The following ZMAT4 variants were observed in gnomAD, a reference collection of about 807,000 sequenced individuals.
ZMAT4 encodes zinc finger matrin-type 4, also known as zinc finger matrin-type protein 4.
Under a neutral mutation model 28.7 loss-of-function variants are expected in ZMAT4, and 17 were observed. The observed-to-expected ratio is 0.59, with a 90% CI of 0.41 to 0.89. ZMAT4 has a LOEUF of 0.89. Among genes scored for constraint, ZMAT4 ranks in the 40% least tolerant of loss-of-function variants. The probability of loss-of-function intolerance (pLI) is 0.00; values close to 1 mark genes in which losing one functional copy is unlikely to be tolerated. For missense variants in ZMAT4, 240 were observed against 283.8 expected (o/e 0.85, Z 1.11); for synonymous variants, 117 against 109.2 (o/e 1.07, Z -0.44).
rs1808034474 is a variant in ZMAT4, at chr8:40,658,588, T to A, written c.577+16116A>T. The stretch of plus-strand genomic sequence containing the variant: ...GCTCCATTGGTACATTGTTTAGTTA[T>A]CAAGGACAGGTTTAGGCAGCGTTAG... On this transcript the variant is annotated intron_variant, in intron 5 of 6. Transcript: ENST00000297737. Among the ~76,000 whole-genome samples, 5 of 149,398 alleles carry A rather than the reference T, an allele frequency of 3.3e-5. No homozygotes were observed. The South Asian group carries it at 8.4e-4, about 25-fold the overall frequency.
At chr8:40,601,468 GGA>G (rs1805316616) in intron 5 of ZMAT4, among the ~76,000 whole-genome samples, 4 of 19,970 alleles carry the variant, frequency 2.0e-4, no homozygotes, top group Non-Finnish European at 2.9e-4. Flanking sequence ...GAGGAAGAAA[GGA>G]AAGAAAGAAA....
intron 5 of ZMAT4, among the ~76,000 whole-genome samples, chr8:40,597,938 G>C (rs1805156981): frequency 6.6e-6 from 1 of 152,170 alleles, no homozygotes; most frequent in African/African-American, 2.4e-5. Context: ...TTATGGATGA[G>C]AGAGGAACAT....
At chr8:40,832,763 C>A (rs1816334375) in intron 1 of ZMAT4, among the ~76,000 whole-genome samples, 1 of 152,158 alleles carries the variant, frequency 6.6e-6, no homozygotes, top group South Asian at 2.1e-4. Flanking sequence ...TTAAACTCAG[C>A]CAATTTTAAA....
In ZMAT4 at chr8:40,889,835, A is replaced by C. The variant is rs148658884; in HGVS notation, c.-5+7848T>G. Among the ~76,000 whole-genome samples, 472 of 152,350 alleles carry C rather than the reference A, an allele frequency of 3.1e-3. 2 individuals are homozygous for C. Among genetic ancestry groups the C allele is most frequent in the African/African-American group, 0.011 (455 of 41,586 alleles). On this transcript the variant is annotated intron_variant, in intron 1 of 6. Transcript: ENST00000297737. The stretch of plus-strand genomic sequence containing the variant: ...ATTCTTAATTAGAACTATTTTGCAC[A>C]TCTCTAACTATTTCCTTAGGATAAA...
chr8:40,555,584 CAGAGGATA>C (rs1803507398), intron 6 of ZMAT4, among the ~76,000 whole-genome samples: 1 of 152,142 alleles, frequency 6.6e-6, no homozygotes, highest in Non-Finnish European at 1.5e-5. Context: ...CTGAAACTCA[CAGAGGATA>C]AGCTACTTTC....
At chr8:40,563,610 A>C (rs991633143) in intron 6 of ZMAT4, among the ~76,000 whole-genome samples, 1 of 152,228 alleles carries the variant, frequency 6.6e-6, no homozygotes, top group Non-Finnish European at 1.5e-5. Context: ...ATGAAAAAAC[A>C]GATAAGAACA....
chr8:40,601,468 G>GAAAAAAGAAAGAAA (rs1563359930), intron 5 of ZMAT4, among the ~76,000 whole-genome samples: 3 of 19,974 alleles, frequency 1.5e-4, no homozygotes, highest in African/African-American at 1.8e-4. Flanking sequence ...GAGGAAGAAA[G>GAAAAAAGAAAGAAA]GAAAGAAAGA....
intron 3 of ZMAT4, among the ~76,000 whole-genome samples, chr8:40,735,951 G>C (rs981705951): frequency 6.6e-6 from 1 of 152,144 alleles, no homozygotes; most frequent in African/African-American, 2.4e-5. Flanking sequence ...CTGGAAATTA[G>C]ATCTTTCAAA....
chr8:40,647,060 T>TG (rs1437521762), intron 5 of ZMAT4, among the ~76,000 whole-genome samples: 1 of 152,048 alleles, frequency 6.6e-6, no homozygotes, highest in African/African-American at 2.4e-5. Flanking sequence ...TTTGAGAGTC[T>TG]GGGGGGAGGA....
chr8:40,757,366 A>G (rs1353197364), intron 3 of ZMAT4, among the ~76,000 whole-genome samples: 2 of 152,172 alleles, frequency 1.3e-5, no homozygotes, highest in Non-Finnish European at 2.9e-5. Context: ...ACACACATAC[A>G]CACACGCATG....
chr8:40,648,068 G>C lies in ZMAT4; in HGVS notation c.577+26636C>G, dbSNP rs1807429970. Among the ~76,000 whole-genome samples the C allele has an allele frequency of 5.3e-5, 8 of 152,366 alleles. No individual in the cohort carries two copies. In the South Asian group the frequency reaches 1.7e-3, roughly 32 times the overall value. On this transcript the variant is annotated intron_variant, in intron 5 of 6. Coordinates refer to ENST00000297737, the MANE Select transcript of ZMAT4 (RefSeq NM_024645.3). The stretch of plus-strand genomic sequence containing the variant: ...CCTCACCAGCAACGGAACAAAGCTG[G>C]ATGGAGAATGACTTTGACGAGCTGA...
intron 2 of ZMAT4, among the ~76,000 whole-genome samples, chr8:40,775,920 T>C (rs1813573333): frequency 6.6e-6 from 1 of 152,102 alleles, no homozygotes; most frequent in African/African-American, 2.4e-5. Context: ...GTGCTCTCTG[T>C]CCATGTGCAC....
At chr8:40,776,244 T>G (rs139446361) in intron 2 of ZMAT4, among the ~76,000 whole-genome samples, 1 of 152,208 alleles carries the variant, frequency 6.6e-6, no homozygotes, top group Admixed American at 6.5e-5. Flanking sequence ...GGTCACTTCG[T>G]TTCTTCCAAA....
chr8:40,733,334 G>C (rs1480664507), intron 3 of ZMAT4, among the ~76,000 whole-genome samples: 1 of 152,122 alleles, frequency 6.6e-6, no homozygotes, highest in Non-Finnish European at 1.5e-5. Context: ...TCATTTCCAA[G>C]CTTAAAATGC....
intron 2 of ZMAT4, among the ~76,000 whole-genome samples, chr8:40,768,790 T>C (rs1246014239): frequency 6.6e-6 from 1 of 152,194 alleles, no homozygotes; most frequent in Admixed American, 6.5e-5. Context: ...CTCTCGAATC[T>C]ATTGTTCCCT....
chr8:40,550,936 G>T (rs780698497), intron 6 of ZMAT4, among the ~76,000 whole-genome samples: 1 of 152,136 alleles, frequency 6.6e-6, no homozygotes, highest in Non-Finnish European at 1.5e-5. Flanking sequence ...TATAATAGGA[G>T]AATATCATAT....
In ZMAT4 at chr8:40,873,879, C is replaced by T. The variant is rs373278015; in HGVS notation, c.-5+23804G>A. Among the ~76,000 whole-genome samples, 179 of 152,262 alleles carry T rather than the reference C, an allele frequency of 1.2e-3. 4 individuals are homozygous for T. In the South Asian group the frequency reaches 0.036, roughly 31 times the overall value. Reference sequence around the variant, plus strand: ...AACCTGAGCTTTCCACCCTGGGATGCTGGTGAGAGGGGGTGAGGACCTTAA... The same window carrying T: ...AACCTGAGCTTTCCACCCTGGGATGTTGGTGAGAGGGGGTGAGGACCTTAA... On this transcript the variant is annotated intron_variant, in intron 1 of 6. Transcript: ENST00000297737.
intron 5 of ZMAT4, among the ~76,000 whole-genome samples, chr8:40,588,866 C>G (rs1804757595): frequency 6.6e-6 from 1 of 152,086 alleles, no homozygotes. Flanking sequence ...TTCACAATAG[C>G]CAAAACCTCA....
chr8:40,720,304 G>A (rs1326529518), intron 3 of ZMAT4, among the ~76,000 whole-genome samples: 1 of 151,724 alleles, frequency 6.6e-6, no homozygotes, highest in Non-Finnish European at 1.5e-5. Context: ...CAGAGTAGGT[G>A]TTCCCAACTT....
Sources: allele counts gnomAD v4.1 joint callset (sites outside exome capture counted in the v4.1 genomes callset), GRCh38; gene constraint gnomAD v4.1.1; transcripts MANE v1.5; gene names NCBI Gene and HGNC (gene_info 2026-07-23, HGNC 2026-07-21).